The following ST7L variants were observed in gnomAD, a reference collection of about 807,000 sequenced individuals.
ST7L encodes the protein suppression of tumorigenicity 7 like, also known as suppressor of tumorigenicity 7 protein-like.
A neutral mutation model predicts 72.5 loss-of-function variants in ST7L; 57 were observed. That is an observed-to-expected ratio of 0.79 (90% CI 0.64 to 0.98). The LOEUF (loss-of-function observed/expected upper bound fraction) is 0.98, where lower values mean the gene tolerates loss of function less well. Among genes scored for constraint, ST7L ranks in the 50% least tolerant of loss-of-function variants. ST7L has a pLI of 0.00. For missense variants in ST7L, 576 were observed against 672.2 expected, an observed-to-expected ratio of 0.86 and a Z score of 1.58; for synonymous variants, 221 against 240.9, an observed-to-expected ratio of 0.92 and a Z score of 0.77.
In ST7L at chr1:112,525,954, A is replaced by G; in HGVS notation, c.*59T>C. ...GTGAGGTAGGGGTTACTGTCACTTT[A>G]CAGATGCTGTTCAGAAAAATTTGGT... On this transcript the variant is annotated 3_prime_UTR_variant, in exon 15 of 15. Coordinates refer to ENST00000358039, the MANE Select transcript of ST7L (RefSeq NM_017744.5). The G allele has an allele frequency of 1.2e-6, 2 of 1,607,694 alleles. No individual in the cohort carries two copies.
chr1:112,575,399 C>T (rs1662945988), intron 11 of ST7L, among the ~76,000 whole-genome samples: 1 of 152,094 alleles, frequency 6.6e-6, no homozygotes, highest in East Asian at 1.9e-4. Flanking sequence ...AATTTAGGCA[C>T]AGTAAGAGAC....
At chr1:112,558,781 T>A (rs540398676) in intron 11 of ST7L, among the ~76,000 whole-genome samples, 1 of 152,226 alleles carries the variant, frequency 6.6e-6, no homozygotes, top group East Asian at 1.9e-4. Context: ...GAGGGTAATA[T>A]TCTTTCTAAT....
chr1:112,570,917 C>T (rs1174742270), intron 11 of ST7L, among the ~76,000 whole-genome samples: 1 of 152,190 alleles, frequency 6.6e-6, no homozygotes, highest in Non-Finnish European at 1.5e-5. Context: ...CGCCTGTAAT[C>T]CCAGCACTTA....
intron 12 of ST7L, among the ~76,000 whole-genome samples, chr1:112,551,940 T>C (rs1658271732): frequency 6.6e-6 from 1 of 152,330 alleles, no homozygotes; most frequent in African/African-American, 2.4e-5. Flanking sequence ...AACATTGAAA[T>C]AAATGTGAGC....
chr1:112,587,595 C>T (rs190137522), intron 6 of ST7L, among the ~76,000 whole-genome samples: 6 of 152,324 alleles, frequency 3.9e-5, no homozygotes, highest in Admixed American at 3.9e-4. Flanking sequence ...AAGAGTGAAA[C>T]TCTGTCTCAG....
chr1:112,557,039 CAGAT>C (rs1347755054), intron 11 of ST7L, among the ~76,000 whole-genome samples: 1 of 134,858 alleles, frequency 7.4e-6, no homozygotes, highest in Non-Finnish European at 1.6e-5. Context: ...CATAGGAATA[CAGAT>C]AGAGGTATTA....
chr1:112,619,019 C>T lies in ST7L; in HGVS notation c.95G>A (p.Arg32Gln), dbSNP rs1013221293. Residue 32 changes from arginine to glutamine, a missense_variant, in exon 1 of 15, where the codon CGA becomes CAA. By Grantham distance (43) the Arg-to-Gln change is conservative. Around this residue, in one of 3 missense-constraint regions of ST7L, gnomAD observed 56 missense variants for 45.8 expected, o/e 1.22. Coordinates refer to ENST00000358039, the MANE Select transcript of ST7L (RefSeq NM_017744.5). ...GLNPTLGWRE[R>Q]LRAGLAGTGA... ...AGTCCCCGCCAGCCCGGCCCGCAGT[C>T]GCTCCCTCCAGCCTAGCGTCGGGTT... 6.2e-7 allele frequency: 1 copy of T among 1,613,756 alleles called. No individual in the cohort carries two copies. The highest frequency in any genetic ancestry group is 1.3e-5 in the African/African-American group (1 of 75,066).
chr1:112,577,222 C>CAAAAAAA (rs879471946), intron 10 of ST7L, 134 bp from the exon 11 acceptor site: 7 of 302,804 alleles, frequency 2.3e-5, no homozygotes, highest in African/African-American at 1.6e-4. Flanking sequence ...AGAGGACTAA[C>CAAAAAAA]AAAAAAAAAA....
intron 2 of ST7L, among the ~76,000 whole-genome samples, chr1:112,614,441 ATATGCT>A (rs1250231740): frequency 1.3e-5 from 2 of 152,284 alleles, no homozygotes; most frequent in African/African-American, 4.8e-5. Flanking sequence ...ACATGCTAAA[ATATGCT>A]TATGTTAAAT....
intron 13 of ST7L, among the ~76,000 whole-genome samples, chr1:112,544,514 C>T (rs775778121): frequency 2.0e-5 from 3 of 152,210 alleles, no homozygotes; most frequent in African/African-American, 4.8e-5. Context: ...AACCAGTCAG[C>T]AATCCCCTTT....
intron 11 of ST7L, among the ~76,000 whole-genome samples, chr1:112,568,669 G>T (rs762713434): frequency 7.0e-4 from 104 of 148,688 alleles, no homozygotes; most frequent in Non-Finnish European, 2.8e-4. Context: ...ATAATAAAAA[G>T]ATAAATAGAA....
At chr1:112,603,004 C>T (rs531319265) in intron 3 of ST7L, among the ~76,000 whole-genome samples, 102 of 144,016 alleles carry the variant, frequency 7.1e-4, no homozygotes, top group South Asian at 2.2e-3. Context: ...AGGCAGCCAC[C>T]GCGCCCGGCC....
chr1:112,619,006 C>G lies in ST7L; in HGVS notation c.108G>C (p.Gly36=). Residue 36 remains glycine (G), a synonymous_variant, in exon 1 of 15, where the codon GGG becomes GGC. Coordinates refer to ENST00000358039, the MANE Select transcript of ST7L (RefSeq NM_017744.5). The stretch of plus-strand genomic sequence containing the variant: ...ACAACGAGGCCCCAGTCCCCGCCAG[C>G]CCGGCCCGCAGTCGCTCCCTCCAGC... ...TLGWRERLRA[G]LAGTGASLWF... 6.2e-7 allele frequency: 1 copy of G among 1,613,126 alleles called. No homozygotes were observed. The highest frequency in any genetic ancestry group is 8.5e-7 in the Non-Finnish European group (1 of 1,179,606).
At chr1:112,554,127 G>T (rs1168921145) in intron 12 of ST7L, among the ~76,000 whole-genome samples, 2 of 152,184 alleles carry the variant, frequency 1.3e-5, no homozygotes, top group Admixed American at 6.5e-5. Context: ...ACTGAGGCGG[G>T]TTAACCAATT....
upstream of ST7L, chr1:112,619,298 G>C: frequency 1.6e-6 from 1 of 625,314 alleles, no homozygotes. Context: ...CTGTTCTTTC[G>C]TGGGGCAGGG....
At position 112,595,247 on chromosome 1, in the gene ST7L, C is replaced by T. The variant is rs1178767469; in HGVS notation, c.622+2724G>A. ...GGGCATAGTGGTGCATGCCTGTAATCCCAGCTACTCAGGAGGCTGAGGCAG... is the reference window on the plus strand; with the variant it reads ...GGGCATAGTGGTGCATGCCTGTAATTCCAGCTACTCAGGAGGCTGAGGCAG... On this transcript the variant is annotated intron_variant, in intron 5 of 14. Transcript: ENST00000358039. Among the ~76,000 whole-genome samples, 5 of 151,832 alleles carry T rather than the reference C, an allele frequency of 3.3e-5. No homozygotes were observed. The South Asian group carries it at 1.0e-3, about 32-fold the overall frequency.
chr1:112,572,573 A>G lies in ST7L; in HGVS notation c.1245+4413T>C, dbSNP rs146465305. On this transcript the variant is annotated intron_variant, in intron 11 of 14. Transcript: ENST00000358039. ...AACTCTAAATCAAAGATGAAATTAT[A>G]AACAGATTAGAAAATATTTTGGGCC... Among the ~76,000 whole-genome samples the G allele has an allele frequency of 4.5e-3, 684 of 152,354 alleles. 3 individuals carry two copies. The highest frequency in any genetic ancestry group is 0.016 in the African/African-American group (650 of 41,590).
chr1:112,519,889 T>C (rs1016919460), downstream of ST7L, among the ~76,000 whole-genome samples: 34 of 150,358 alleles, frequency 2.3e-4, no homozygotes, highest in East Asian at 5.9e-3. Context: ...TTTTTTTTTT[T>C]TTTGGAGACA....
chr1:112,538,369 G>T (rs1231046271), intron 14 of ST7L, among the ~76,000 whole-genome samples: 1 of 152,076 alleles, frequency 6.6e-6, no homozygotes, highest in African/African-American at 2.4e-5. Flanking sequence ...TTGAGACAGG[G>T]TCTTGCTCTG....
Sources: allele counts gnomAD v4.1 joint callset (sites outside exome capture counted in the v4.1 genomes callset), GRCh38; gene constraint gnomAD v4.1.1; regional missense constraint gnomAD v4.1.1; transcripts MANE v1.5; gene names NCBI Gene and HGNC (gene_info 2026-07-23, HGNC 2026-07-21).